The following SAFB variants were observed in gnomAD, a reference collection of about 807,000 sequenced individuals.
SAFB encodes the protein scaffold attachment factor B1.
SAFB carries 15 observed loss-of-function variants against 101.6 expected under a neutral mutation model. The observed-to-expected ratio is 0.15, with a 90% confidence interval of 0.10 to 0.23. SAFB has a LOEUF of 0.23. SAFB is among the 10% of genes least tolerant of loss of function. SAFB has a pLI of 1.00. For synonymous variants in SAFB, 449 were observed against 407.5 expected, an observed-to-expected ratio of 1.10 and a Z score of -1.23; for missense variants, 930 against 1,104.1, an observed-to-expected ratio of 0.84 and a Z score of 2.23.
chr19:5,628,340 A>G (rs949516807), intron 2 of SAFB, among the ~76,000 whole-genome samples: 7 of 152,216 alleles, frequency 4.6e-5, no homozygotes, highest in African/African-American at 1.7e-4. Flanking sequence ...GCTTGGGACC[A>G]GAAGGGTTTC....
chr19:5,668,098 C>A, intron 20 of SAFB, 64 bp from the exon 21 acceptor site: 1 of 1,574,934 alleles, frequency 6.3e-7, no homozygotes, highest in South Asian at 1.2e-5. Context: ...GGAAGCTGTG[C>A]AGGCTGGGAT....
chr19:5,627,363 G>A (rs1240461004), intron 2 of SAFB, among the ~76,000 whole-genome samples: 1 of 152,088 alleles, frequency 6.6e-6, no homozygotes, highest in Non-Finnish European at 1.5e-5. Context: ...AGCTACTTGG[G>A]AGGCTAAGGC....
intron 1 of SAFB, among the ~76,000 whole-genome samples, chr19:5,624,668 G>T (rs1599304857): frequency 6.6e-6 from 1 of 151,344 alleles, no homozygotes; most frequent in Non-Finnish European, 1.5e-5. Flanking sequence ...TTATTAATTG[G>T]TGATGAGAAG....
At chr19:5,624,687 ATTTT>A in intron 1 of SAFB, among the ~76,000 whole-genome samples, 1 of 121,564 alleles carries the variant, frequency 8.2e-6, no homozygotes, top group Admixed American at 8.3e-5. Context: ...AGAAGTAGGG[ATTTT>A]TTTTTTTTTT....
chr19:5,665,061 C>G (rs1389231543), intron 17 of SAFB: 1 of 152,778 alleles, frequency 6.5e-6, no homozygotes, highest in Non-Finnish European at 1.5e-5. Context: ...TGGAAGATGC[C>G]TCCTCTCTGA....
At chr19:5,632,799 G>A (rs2053518248) in intron 2 of SAFB, among the ~76,000 whole-genome samples, 1 of 152,176 alleles carries the variant, frequency 6.6e-6, no homozygotes, top group African/African-American at 2.4e-5. Context: ...GTGCAATGGT[G>A]CAATTGTAGG....
intron 9 of SAFB, 46 bp downstream of exon 9, chr19:5,651,118 T>TGCA (rs1334329097): frequency 7.9e-7 from 1 of 1,265,878 alleles, no homozygotes; most frequent in Admixed American, 1.9e-5. Context: ...AAACCAGCGT[T>TGCA]GTGTGGCCTT....
intron 7 of SAFB, 24 bp from the exon 8 acceptor site, chr19:5,649,902 A>C (rs201754800): frequency 2.4e-5 from 39 of 1,608,824 alleles, no homozygotes; most frequent in Non-Finnish European, 3.2e-5. Context: ...TTCCTTGTGG[A>C]GTGACATTGT....
At position 5,667,295 on chromosome 19, in the gene SAFB, C is replaced by T. The variant is rs2054353506; in HGVS notation, c.2454-52C>T. On this transcript the variant is annotated intron_variant, in intron 18 of 20. Coordinates refer to ENST00000588852, the MANE Select transcript of SAFB (RefSeq NM_001201338.2). The surrounding 1 kb of genome is among the most constrained non-coding windows in gnomAD (Gnocchi z 4.0). ...CTCCAGAAGCCGCCACAGTTATTAG[C>T]ACAAGAGCCAGAGATGGGGGCAATC... 8.7e-6 allele frequency: 12 copies of T among 1,375,844 alleles called. No homozygotes were observed. Among genetic ancestry groups the T allele is most frequent in the African/African-American group, 1.5e-5 (1 of 68,142 alleles). The allele number at this position is 1,375,844 out of a possible 1,614,324, so 85.2% of individuals were successfully genotyped here.
chr19:5,642,407 T>C (rs996977161), intron 4 of SAFB, among the ~76,000 whole-genome samples: 1 of 152,074 alleles, frequency 6.6e-6, no homozygotes, highest in Non-Finnish European at 1.5e-5. Flanking sequence ...GATTGTGCAA[T>C]TGAAGTCCAG....
chr19:5,651,391 A>G (rs527711189), intron 9 of SAFB, among the ~76,000 whole-genome samples: 1 of 152,338 alleles, frequency 6.6e-6, no homozygotes, highest in South Asian at 2.1e-4. Context: ...GGTGCTGGTC[A>G]GCATGTCTGG....
Position 5,668,369 on chromosome 19 carries a change from AT to A in SAFB, c.*87del, listed in dbSNP as rs901852569. On this transcript the variant is annotated 3_prime_UTR_variant, in exon 21 of 21. Transcript: ENST00000588852. ...GAGTTACCTTAAACTGTGTAAAAAT[AT>A]TTTTTTTTAATCTGCTGCCATATTG... is the stretch of plus-strand genomic sequence containing the variant. 1,193 of 1,451,706 alleles carry A rather than the reference AT, an allele frequency of 8.2e-4. No individual in the cohort carries two copies. The highest frequency in any genetic ancestry group is 9.7e-4 in the Admixed American group (37 of 38,170). The allele number at this position is 1,451,706 out of a possible 1,614,324, so 89.9% of individuals were successfully genotyped here. A position where few individuals can be genotyped will look rare whatever the true frequency, so the allele number is the denominator to read the frequency against.
At chr19:5,635,849 A>G (rs1037078236) in intron 2 of SAFB, among the ~76,000 whole-genome samples, 3 of 152,104 alleles carry the variant, frequency 2.0e-5, no homozygotes, top group African/African-American at 7.2e-5. Flanking sequence ...TTCAAGGGGC[A>G]CATTGGCCTT....
chr19:5,645,682 G>T (rs2053812659), intron 5 of SAFB, among the ~76,000 whole-genome samples: 3 of 152,162 alleles, frequency 2.0e-5, no homozygotes, highest in Non-Finnish European at 4.4e-5. Flanking sequence ...ATTGCTTGTG[G>T]CAGGGGAAGG....
At position 5,668,334 on chromosome 19, in the gene SAFB, G is replaced by T; in HGVS notation, c.*43G>T. On this transcript the variant is annotated 3_prime_UTR_variant, in exon 21 of 21. Transcript: ENST00000588852. ...TCCTGTCTCGTGGCAACAAGGCTAT[G>T]TTCTGTTAGGAGTTACCTTAAACTG... 1 of 1,595,622 alleles carries T rather than the reference G, an allele frequency of 6.3e-7. No homozygotes were observed. The highest frequency in any genetic ancestry group is 2.2e-4 in the Middle Eastern group (1 of 4,616).
intron 11 of SAFB, 148 bp downstream of exon 11, chr19:5,653,568 C>A: frequency 1.5e-6 from 1 of 673,624 alleles, no homozygotes; most frequent in Non-Finnish European, 2.6e-6. Context: ...TGGGTTCAAG[C>A]AATTCTCCTG....
chr19:5,655,994 G>A (rs532417132), intron 13 of SAFB, among the ~76,000 whole-genome samples: 34 of 152,154 alleles, frequency 2.2e-4, no homozygotes, highest in Admixed American at 6.6e-4. Context: ...TGAAGTTTTC[G>A]GGGGCAATAC....
At chr19:5,663,926 C>T (rs2054271518) in intron 15 of SAFB, 96 bp from the exon 16 acceptor site, 1 of 1,349,918 alleles carries the variant, frequency 7.4e-7, no homozygotes, top group Admixed American at 2.1e-5. Flanking sequence ...GAAAGTCATC[C>T]TGGTTCTGTG....
At position 5,644,623 on chromosome 19, in the gene SAFB, A is replaced by G. The variant is rs183946400; in HGVS notation, c.547-714A>G. Among the ~76,000 whole-genome samples, 185 of 152,302 alleles carry G rather than the reference A, an allele frequency of 1.2e-3. 1 individual carries two copies. Among genetic ancestry groups the G allele is most frequent in the African/African-American group, 4.3e-3 (178 of 41,540 alleles). On this transcript the variant is annotated intron_variant, in intron 4 of 20. Transcript: ENST00000588852. ...TTTCCTAGTGAAATATAGTGATAAA[A>G]ATACATGCTGGTTATAAAATATCTG...
Sources: allele counts gnomAD v4.1 joint callset (sites outside exome capture counted in the v4.1 genomes callset), GRCh38; gene constraint gnomAD v4.1.1; non-coding constraint Gnocchi (gnomAD v3.1); transcripts MANE v1.5; gene names NCBI Gene and HGNC (gene_info 2026-07-23, HGNC 2026-07-21).